Variants in TINAGL1 observed in about 807,000 individuals in gnomAD.
TINAGL1 encodes tubulointerstitial nephritis antigen like 1.
Under a neutral mutation model 62.0 loss-of-function variants are expected in TINAGL1, and 34 were observed. The observed-to-expected ratio is 0.55, with a 90% CI of 0.42 to 0.73. The LOEUF (loss-of-function observed/expected upper bound fraction) is 0.73. TINAGL1 is among the 30% of genes least tolerant of loss of function. The pLI, the probability that TINAGL1 is intolerant of heterozygous loss-of-function variation, is 0.00. For synonymous variants in TINAGL1, 221 were observed against 249.7 expected (o/e 0.88, Z 1.08); for missense variants, 516 against 653.2 (o/e 0.79, Z 2.29).
chr1:31,583,330 G>A lies in TINAGL1; in HGVS notation c.467+89G>A. On this transcript the variant is annotated intron_variant, in intron 4 of 11. Transcript: ENST00000271064. This position sits in a 1 kb window ranked among gnomAD's most constrained non-coding sequence, Gnocchi z 4.4. ...GCTGTGCTGTGGGGCACGTCCAGCA[G>A]GCCACTCCTACACCCAGATTTGACT... The A allele has an allele frequency of 6.6e-7, 1 of 1,504,248 alleles. No homozygotes were observed. The allele number at this position is 1,504,248 out of a possible 1,614,324, so 93.2% of individuals were successfully genotyped here. A position where few individuals can be genotyped will look rare whatever the true frequency, so the allele number is the denominator to read the frequency against.
rs553129596 is a variant in TINAGL1, at chr1:31,583,493, G to C, written c.500G>C (p.Gly167Ala). ...WQAGNHSAFW[G>A]MTLDEGIRYR... ...GCTGGGAACCACAGCGCCTTCTGGG[G>C]CATGACCCTGGATGAGGGCATTCGC... The change falls in exon 5 of 12, where the codon GGC becomes GCC. Residue 167 changes from glycine (G) to alanine (A), a missense_variant. Gly to Ala is a moderately conservative substitution (Grantham distance 60, BLOSUM62 0). Coordinates refer to ENST00000271064, the MANE Select transcript of TINAGL1 (RefSeq NM_022164.3). This position sits in a 1 kb window ranked among gnomAD's most constrained non-coding sequence, Gnocchi z 4.4. The C allele has an allele frequency of 6.2e-7, 1 of 1,613,960 alleles. No individual in the cohort carries two copies. Among genetic ancestry groups the C allele is most frequent in the South Asian group, 1.1e-5 (1 of 91,044 alleles).
In TINAGL1 at chr1:31,583,117, C is replaced by A; in HGVS notation, c.375-32C>A. 6.2e-7 allele frequency: 1 copy of A among 1,606,826 alleles called. No individual in the cohort carries two copies. The highest frequency in any genetic ancestry group is 8.5e-7 in the Non-Finnish European group (1 of 1,173,406). ...CCTTCAAAGTATCCCCAGTCCCCCA[C>A]TTACCCTTTCCTTCTCTCCTTTTCT... On this transcript the variant is annotated intron_variant, in intron 3 of 11. Transcript: ENST00000271064. This position sits in a 1 kb window ranked among gnomAD's most constrained non-coding sequence, Gnocchi z 4.4.
In TINAGL1 at chr1:31,577,738, C is replaced by G. The variant is rs1639031125; in HGVS notation, c.310+280C>G. 2.2e-6 allele frequency: 1 copy of G among 449,112 alleles called. No homozygotes were observed. The highest frequency in any genetic ancestry group is 2.0e-5 in the African/African-American group (1 of 50,802). 27.8% of individuals were successfully genotyped at this position (449,112 alleles called of 1,614,324 possible). On this transcript the variant is annotated intron_variant, in intron 2 of 11. Coordinates refer to ENST00000271064, the MANE Select transcript of TINAGL1 (RefSeq NM_022164.3). The surrounding 1 kb of genome is among the most constrained non-coding windows in gnomAD (Gnocchi z 5.4). ...GGTGCTGGCCGCACCTGCTGACTCA[C>G]TCTTGGGCTGATAAGGCACATATGG... is the stretch of plus-strand genomic sequence containing the variant.
rs1238779331 is a variant in TINAGL1, at chr1:31,576,957, T to TC, written c.-15-172dup. ...GGGCTCCGTTTCTGCCCAGTCCCCA[T>TC]CCCCCTATAGCCAGGGCCCACACAC... On this transcript the variant is annotated intron_variant, in intron 1 of 11. Transcript: ENST00000271064. The surrounding 1 kb of genome is among the most constrained non-coding windows in gnomAD (Gnocchi z 5.1). The TC allele has an allele frequency of 1.7e-6, 1 of 572,384 alleles. No individual in the cohort carries two copies. Among genetic ancestry groups the TC allele is most frequent in the Non-Finnish European group, 3.0e-6 (1 of 337,092 alleles). The allele number at this position is 572,384 out of a possible 1,614,324, so 35.5% of individuals were successfully genotyped here. A position where few individuals can be genotyped will look rare whatever the true frequency, so the allele number is the denominator to read the frequency against.
intron 3 of TINAGL1, chr1:31,580,237 GTC>G (rs1199526397): frequency 2.8e-4 from 138 of 488,170 alleles, no homozygotes; most frequent in South Asian, 1.1e-3. Context: ...GTCTCTCTCT[GTC>G]TCTCTCTCTC....
At chr1:31,578,137 A>T in intron 2 of TINAGL1, 1 of 987,136 alleles carries the variant, frequency 1.0e-6, no homozygotes, top group Non-Finnish European at 1.2e-6. Context: ...ATCCAAGTAA[A>T]GTAAGAGGAA....
In TINAGL1 at chr1:31,577,690, CTG is replaced by C. The variant is rs1639027516; in HGVS notation, c.310+234_310+235del. 1 of 563,550 alleles carries C rather than the reference CTG, an allele frequency of 1.8e-6. No homozygotes were observed. Among genetic ancestry groups the C allele is most frequent in the Non-Finnish European group, 3.1e-6 (1 of 325,780 alleles). The allele number at this position is 563,550 out of a possible 1,614,324, so 34.9% of individuals were successfully genotyped here. A position where few individuals can be genotyped will look rare whatever the true frequency, so the allele number is the denominator to read the frequency against. ...CAACCTCCCACATTTTCTCCCAATC[CTG>C]TCTCTTTTCCAGACACGGAAGGTGC... On this transcript the variant is annotated intron_variant, in intron 2 of 11. Coordinates refer to ENST00000271064, the MANE Select transcript of TINAGL1 (RefSeq NM_022164.3). The surrounding 1 kb of genome is among the most constrained non-coding windows in gnomAD (Gnocchi z 5.4).
At chr1:31,580,256 TCTCTCTCTCA>T (rs1639206573) in intron 3 of TINAGL1, 1 of 1,187,566 alleles carries the variant, frequency 8.4e-7, no homozygotes, top group African/African-American at 1.6e-5. Flanking sequence ...TCTCTGTCTC[TCTCTCTCTCA>T]CTGCTGTCCC....
Position 31,577,589 on chromosome 1 carries a change from C to A in TINAGL1, c.310+131C>A. The A allele has an allele frequency of 1.9e-6, 2 of 1,032,186 alleles. No homozygotes were observed. The highest frequency in any genetic ancestry group is 1.4e-6 in the Non-Finnish European group (1 of 721,548). 63.9% of individuals were successfully genotyped at this position (1,032,186 alleles called of 1,614,324 possible). A position where few individuals can be genotyped will look rare whatever the true frequency, so the allele number is the denominator to read the frequency against. On this transcript the variant is annotated intron_variant, in intron 2 of 11. Coordinates refer to ENST00000271064, the MANE Select transcript of TINAGL1 (RefSeq NM_022164.3). This position sits in a 1 kb window ranked among gnomAD's most constrained non-coding sequence, Gnocchi z 5.4. ...TGTAGAATCTGGGACTCTTCCCTGC[C>A]CCTCTGGGAACTTTACTCTCCAGCA...
rs1216904455 is a variant in TINAGL1, at chr1:31,583,896, T to G, written c.582+321T>G. 1.4e-5 allele frequency: 4 copies of G among 281,452 alleles called. No individual in the cohort carries two copies. Among genetic ancestry groups the G allele is most frequent in the African/African-American group, 6.4e-5 (3 of 46,622 alleles). The allele number at this position is 281,452 out of a possible 1,614,324, so 17.4% of individuals were successfully genotyped here. On this transcript the variant is annotated intron_variant, in intron 5 of 11. Transcript: ENST00000271064. This position sits in a 1 kb window ranked among gnomAD's most constrained non-coding sequence, Gnocchi z 4.4. The stretch of plus-strand genomic sequence containing the variant: ...GGGACAGGGGGTCACCTTGGTATTT[T>G]GGGAAGGGAAGGACACACACTCCTC...
chr1:31,580,565 C>T, intron 3 of TINAGL1: 1 of 1,289,320 alleles, frequency 7.8e-7, no homozygotes, highest in Non-Finnish European at 1.0e-6. Flanking sequence ...CTTCCCGGCC[C>T]TGCAGACTCC....
Position 31,583,380 on chromosome 1 carries a change from T to A in TINAGL1, c.468-81T>A, listed in dbSNP as rs1447362619. ...TGTGTGTGCGCTCAGCCACTGTGCG[T>A]CTCTCCCACCCACATGCACCCACGC... is the stretch of plus-strand genomic sequence containing the variant. On this transcript the variant is annotated intron_variant, in intron 4 of 11. Transcript: ENST00000271064. The surrounding 1 kb of genome is among the most constrained non-coding windows in gnomAD (Gnocchi z 4.4). The A allele has an allele frequency of 3.4e-6, 5 of 1,488,882 alleles. No individual in the cohort carries two copies. The highest frequency in any genetic ancestry group is 4.6e-6 in the Non-Finnish European group (5 of 1,080,276). 92.2% of individuals were successfully genotyped at this position (1,488,882 alleles called of 1,614,324 possible). A position where few individuals can be genotyped will look rare whatever the true frequency, so the allele number is the denominator to read the frequency against.
Position 31,579,324 on chromosome 1 carries a change from G to T in TINAGL1, c.374+57G>T, listed in dbSNP as rs79834674. 8,987 of 1,513,630 alleles carry T rather than the reference G, an allele frequency of 5.9e-3. 218 individuals are homozygous for T. Among genetic ancestry groups the T allele is most frequent in the East Asian group, 0.049 (2,154 of 44,362 alleles). 93.8% of individuals were successfully genotyped at this position (1,513,630 alleles called of 1,614,324 possible). ...TTGTGAGCCTGTGGCTGACAGACTT[G>T]GTTCAAATCTTATCCCTGACCCCTT... On this transcript the variant is annotated intron_variant, in intron 3 of 11. Transcript: ENST00000271064.
In TINAGL1 at chr1:31,584,474, C is replaced by G; in HGVS notation, c.583-204C>G. 1 of 699,400 alleles carries G rather than the reference C, an allele frequency of 1.4e-6. No homozygotes were observed. The highest frequency in any genetic ancestry group is 1.9e-5 in the South Asian group (1 of 52,634). The allele number at this position is 699,400 out of a possible 1,614,324, so 43.3% of individuals were successfully genotyped here. On this transcript the variant is annotated intron_variant, in intron 5 of 11. Transcript: ENST00000271064. This position sits in a 1 kb window ranked among gnomAD's most constrained non-coding sequence, Gnocchi z 4.0. ...CCACCGCCACCCCGCCCCGCCCCACCACCTGATACCTGGGAGGCACTAAAT... is the reference window on the plus strand; with the variant it reads ...CCACCGCCACCCCGCCCCGCCCCACGACCTGATACCTGGGAGGCACTAAAT...
intron 3 of TINAGL1, among the ~76,000 whole-genome samples, chr1:31,580,061 C>CACTGTGTGTGTGTGTGTGT: frequency 7.3e-6 from 1 of 136,728 alleles, no homozygotes; most frequent in East Asian, 2.7e-4. Flanking sequence ...ACTGTGTGTG[C>CACTGTGTGTGTGTGTGTGT]ACTGTGTGTG....
Position 31,585,416 on chromosome 1 carries a change from C to T in TINAGL1, c.1048-24C>T. ...TGGAGTCTCACCCCTGACGTATGCT[C>T]TCTGTCCATCCCCTGCCCTCCAGGA... On this transcript the variant is annotated intron_variant, in intron 8 of 11. Coordinates refer to ENST00000271064, the MANE Select transcript of TINAGL1 (RefSeq NM_022164.3). The surrounding 1 kb of genome is among the most constrained non-coding windows in gnomAD (Gnocchi z 4.3). 6.2e-7 allele frequency: 1 copy of T among 1,613,608 alleles called. No individual in the cohort carries two copies. The highest frequency in any genetic ancestry group is 8.5e-7 in the Non-Finnish European group (1 of 1,179,694).
At position 31,577,729 on chromosome 1, in the gene TINAGL1, G is replaced by A; in HGVS notation, c.310+271G>A. The A allele has an allele frequency of 2.1e-6, 1 of 483,118 alleles. No homozygotes were observed. Among genetic ancestry groups the A allele is most frequent in the East Asian group, 3.5e-5 (1 of 28,400 alleles). The allele number at this position is 483,118 out of a possible 1,614,324, so 29.9% of individuals were successfully genotyped here. On this transcript the variant is annotated intron_variant, in intron 2 of 11. Transcript: ENST00000271064. The surrounding 1 kb of genome is among the most constrained non-coding windows in gnomAD (Gnocchi z 5.4). The stretch of plus-strand genomic sequence containing the variant: ...GACACGGAAGGTGCTGGCCGCACCT[G>A]CTGACTCACTCTTGGGCTGATAAGG...
In TINAGL1 at chr1:31,576,934, G is replaced by T; in HGVS notation, c.-15-200G>T. ...AGGTCCCTGCCTAGGTCAGGGAGGG[G>T]CTCCGTTTCTGCCCAGTCCCCATCC... On this transcript the variant is annotated intron_variant, in intron 1 of 11. Transcript: ENST00000271064. The surrounding 1 kb of genome is among the most constrained non-coding windows in gnomAD (Gnocchi z 5.1). 2.0e-6 allele frequency: 1 copy of T among 511,948 alleles called. No individual in the cohort carries two copies. The highest frequency in any genetic ancestry group is 3.4e-6 in the Non-Finnish European group (1 of 295,376). The allele number at this position is 511,948 out of a possible 1,614,324, so 31.7% of individuals were successfully genotyped here.
chr1:31,583,661 G>A lies in TINAGL1; in HGVS notation c.582+86G>A, dbSNP rs1226876994. The A allele has an allele frequency of 1.2e-5, 14 of 1,197,672 alleles. No homozygotes were observed. The highest frequency in any genetic ancestry group is 5.4e-5 in the South Asian group (4 of 74,396). The allele number at this position is 1,197,672 out of a possible 1,614,324, so 74.2% of individuals were successfully genotyped here. A position where few individuals can be genotyped will look rare whatever the true frequency, so the allele number is the denominator to read the frequency against. ...TGGCCCTGTGCCCTGCTCCTCCAAG[G>A]GCCTGGACCATCCCCTACTACAAGG... On this transcript the variant is annotated intron_variant, in intron 5 of 11. Coordinates refer to ENST00000271064, the MANE Select transcript of TINAGL1 (RefSeq NM_022164.3). This position sits in a 1 kb window ranked among gnomAD's most constrained non-coding sequence, Gnocchi z 4.4.
Sources: allele counts gnomAD v4.1 joint callset (sites outside exome capture counted in the v4.1 genomes callset), GRCh38; gene constraint gnomAD v4.1.1; non-coding constraint Gnocchi (gnomAD v3.1); transcripts MANE v1.5; gene names NCBI Gene and HGNC (gene_info 2026-07-23, HGNC 2026-07-21).